Variants in TNFAIP8 observed in about 807,000 individuals in gnomAD.
TNFAIP8 encodes the protein tumor necrosis factor alpha-induced protein 8.
A neutral mutation model predicts 13.3 loss-of-function variants in TNFAIP8; 7 were observed. The ratio of observed to expected loss-of-function variants is 0.52; its 90% CI spans 0.30 to 0.99. The LOEUF (loss-of-function observed/expected upper bound fraction) is 0.99, where lower values mean the gene tolerates loss of function less well. TNFAIP8 is among the 50% of genes least tolerant of loss of function. The probability of loss-of-function intolerance (pLI) is 0.07; values close to 1 mark genes in which losing one functional copy is unlikely to be tolerated. For missense variants in TNFAIP8, 258 were observed against 236.9 expected (o/e 1.09, Z -0.58); for synonymous variants, 94 against 87.6 (o/e 1.07, Z -0.41).
intron 1 of TNFAIP8, among the ~76,000 whole-genome samples, chr5:119,391,062 C>T (rs1362542529): frequency 6.7e-6 from 1 of 150,122 alleles, no homozygotes; most frequent in Admixed American, 6.7e-5. Context: ...AACTCCTGGG[C>T]TCAAGTGATC....
At chr5:119,321,522 T>C (rs566410021) in intron 1 of TNFAIP8, among the ~76,000 whole-genome samples, 1 of 152,350 alleles carries the variant, frequency 6.6e-6, no homozygotes, top group East Asian at 1.9e-4. Context: ...GCATGCCCTT[T>C]ACCCCACACT....
At chr5:119,388,005 A>G (rs755128155) in intron 1 of TNFAIP8, among the ~76,000 whole-genome samples, 2 of 152,230 alleles carry the variant, frequency 1.3e-5, no homozygotes, top group African/African-American at 2.4e-5. Flanking sequence ...TCCTTGGGGA[A>G]CATCTCCTGT....
Position 119,399,412 on chromosome 5 carries a change from ACCT to A in TNFAIP8, c.*6035_*6037del, listed in dbSNP as rs1294541452. 6.6e-6 allele frequency: 1 copy of A among 152,026 alleles called. No homozygotes were observed. The highest frequency in any genetic ancestry group is 2.1e-4 in the South Asian group (1 of 4,828). The allele number at this position is 152,026 out of a possible 1,614,324, so 9.4% of individuals were successfully genotyped here. A position where few individuals can be genotyped will look rare whatever the true frequency, so the allele number is the denominator to read the frequency against. On this transcript the variant is annotated 3_prime_UTR_variant, in exon 2 of 2. Transcript: ENST00000504771. ...TTTTAAAGACATGGAAGGCTCTGAG[ACCT>A]CCTGAAGGCTATTCCTATGTGAGGT...
chr5:119,332,231 C>T (rs1222247965), intron 1 of TNFAIP8, among the ~76,000 whole-genome samples: 3 of 152,086 alleles, frequency 2.0e-5, no homozygotes, highest in African/African-American at 7.2e-5. Flanking sequence ...AATAATAATG[C>T]TCATTACTGC....
Position 119,338,165 on chromosome 5 carries a change from GACACACACACACACACACAC to G in TNFAIP8, c.2-54624_2-54605del, listed in dbSNP as rs367789572. 4.9e-3 allele frequency among the ~76,000 whole-genome samples: 614 copies of G among 125,242 alleles called. 3 individuals carry two copies. The highest frequency in any genetic ancestry group is 6.4e-3 in the Non-Finnish European group (382 of 59,858). The allele number at this position is 125,242 out of a possible 152,430, so 82.2% of individuals were successfully genotyped here. ...ATTCCAGATTGGAATCTGGAACTTT[GACACACACACACACACACAC>G]ACACACACACACACACACACACACA... On this transcript the variant is annotated intron_variant, in intron 1 of 1. Transcript: ENST00000274456.
chr5:119,363,385 C>A (rs1751705273), intron 1 of TNFAIP8, among the ~76,000 whole-genome samples: 1 of 152,166 alleles, frequency 6.6e-6, no homozygotes. Flanking sequence ...GACTGCCCTG[C>A]CAAGAGCAAG....
intron 1 of TNFAIP8, among the ~76,000 whole-genome samples, chr5:119,300,132 A>T (rs1029131899): frequency 6.6e-6 from 1 of 152,174 alleles, no homozygotes; most frequent in Non-Finnish European, 1.5e-5. Flanking sequence ...TGTGCCCACT[A>T]TCTGGCACTC....
At chr5:119,367,332 C>T (rs1751896429) in intron 1 of TNFAIP8, among the ~76,000 whole-genome samples, 2 of 152,036 alleles carry the variant, frequency 1.3e-5, no homozygotes, top group Admixed American at 1.3e-4. Flanking sequence ...TTGAGTCATT[C>T]TATGGTCTTA....
At chr5:119,276,393 C>T (rs147390308) in intron 1 of TNFAIP8, among the ~76,000 whole-genome samples, 2,282 of 152,300 alleles carry the variant, frequency 0.015, 29 homozygotes, top group Non-Finnish European at 0.024. Context: ...GTTGGGATTA[C>T]AGGCTTGAGC....
intron 1 of TNFAIP8, among the ~76,000 whole-genome samples, chr5:119,300,581 G>A (rs891706940): frequency 3.9e-5 from 6 of 152,216 alleles, no homozygotes; most frequent in African/African-American, 1.4e-4. Flanking sequence ...TGCTTACTAT[G>A]TACTTCTCTA....
chr5:119,306,299 CTTT>C (rs1164960709), intron 1 of TNFAIP8: 54 of 147,212 alleles, frequency 3.7e-4, no homozygotes, highest in Middle Eastern at 3.4e-3. Flanking sequence ...TTTCTCTTTT[CTTT>C]TTTCTTTCTT....
At position 119,327,291 on chromosome 5, in the gene TNFAIP8, G is replaced by T. The variant is rs183120810; in HGVS notation, c.1+58384G>T. Among the ~76,000 whole-genome samples the T allele has an allele frequency of 8.8e-4, 134 of 152,256 alleles. 1 individual carries two copies. The highest frequency in any genetic ancestry group is 3.2e-3 in the African/African-American group (132 of 41,552). ...GAGTACATGAACATGTGGGCTCAGG[G>T]TACAGATGGGAAGAGGCCCAGAACT... On this transcript the variant is annotated intron_variant, in intron 1 of 1. Coordinates refer to the TNFAIP8 transcript ENST00000274456.
intron 1 of TNFAIP8, among the ~76,000 whole-genome samples, chr5:119,294,508 C>G (rs1303108980): frequency 6.6e-6 from 1 of 152,118 alleles, no homozygotes; most frequent in African/African-American, 2.4e-5. Flanking sequence ...AATAAACATA[C>G]GTGTGCATGT....
At chr5:119,368,213 C>T (rs568752450) in intron 1 of TNFAIP8, among the ~76,000 whole-genome samples, 150 of 152,174 alleles carry the variant, frequency 9.9e-4, no homozygotes, top group Non-Finnish European at 1.8e-3. Flanking sequence ...TTTCATTTGT[C>T]AGGTAGTCAC....
At chr5:119,299,605 G>T (rs1479670473) in intron 1 of TNFAIP8, among the ~76,000 whole-genome samples, 1 of 152,212 alleles carries the variant, frequency 6.6e-6, no homozygotes, top group African/African-American at 2.4e-5. Flanking sequence ...CAGATCTCCA[G>T]CTGTGTGCTG....
intron 1 of TNFAIP8, among the ~76,000 whole-genome samples, chr5:119,302,888 T>C (rs750329040): frequency 1.6e-4 from 25 of 152,322 alleles, no homozygotes; most frequent in Admixed American, 1.4e-3. Flanking sequence ...TGCTTCCTAA[T>C]TGAGATTTCC....
At chr5:119,382,975 G>C (rs1752543740) in intron 1 of TNFAIP8, among the ~76,000 whole-genome samples, 1 of 152,200 alleles carries the variant, frequency 6.6e-6, no homozygotes, top group Admixed American at 6.5e-5. Context: ...ACTTGGGTAA[G>C]CAAAGTTAAA....
intron 1 of TNFAIP8, among the ~76,000 whole-genome samples, chr5:119,383,932 C>G (rs898730818): frequency 6.6e-6 from 1 of 152,102 alleles, no homozygotes; most frequent in Admixed American, 6.5e-5. Flanking sequence ...GAGACCTGGT[C>G]CCTTTCTTTT....
chr5:119,282,660 T>A (rs1207284858), intron 1 of TNFAIP8, among the ~76,000 whole-genome samples: 1 of 152,258 alleles, frequency 6.6e-6, no homozygotes, highest in African/African-American at 2.4e-5. Context: ...GATCTGTTCC[T>A]TCCTGGGTTT....
Sources: allele counts gnomAD v4.1 joint callset (sites outside exome capture counted in the v4.1 genomes callset), GRCh38; gene constraint gnomAD v4.1.1; transcripts MANE v1.5; gene names NCBI Gene and HGNC (gene_info 2026-07-23, HGNC 2026-07-21).